Variants in PPARGC1A observed in about 807,000 individuals in gnomAD.
The protein encoded by PPARGC1A is peroxisome proliferator-activated receptor gamma coactivator 1-alpha.
Under a neutral mutation model 88.7 loss-of-function variants are expected in PPARGC1A, and 25 were observed. That is an observed-to-expected ratio of 0.28 (90% CI 0.21 to 0.39). The LOEUF (loss-of-function observed/expected upper bound fraction) is 0.39, where lower values mean the gene tolerates loss of function less well. Among genes scored for constraint, PPARGC1A ranks in the 10% least tolerant of loss-of-function variants. The pLI is 1.00. For synonymous variants in PPARGC1A, 363 were observed against 355.6 expected, an observed-to-expected ratio of 1.02 and a Z score of -0.24; for missense variants, 880 against 968.7, an observed-to-expected ratio of 0.91 and a Z score of 1.22.
At chr4:23,904,650 C>A (rs1173349893), upstream of PPARGC1A, among the ~76,000 whole-genome samples, 1 of 152,106 alleles carries the variant, frequency 6.6e-6, no homozygotes, top group Non-Finnish European at 1.5e-5. Context: ...ATTAATATAA[C>A]CCAACAGAAT....
At chr4:23,932,599 GT>G in the PPARGC1A span, among the ~76,000 whole-genome samples, 2 of 151,650 alleles carry the variant, frequency 1.3e-5, no homozygotes, top group Non-Finnish European at 1.5e-5. Flanking sequence ...ACGAAGTAGT[GT>G]TTTTTTAAAA....
the PPARGC1A span, among the ~76,000 whole-genome samples, chr4:24,427,131 C>A: frequency 6.6e-6 from 1 of 152,032 alleles, no homozygotes; most frequent in African/African-American, 2.4e-5. Context: ...GCTTAGGTTC[C>A]CATAGTAAGG....
At chr4:24,111,656 G>A in the PPARGC1A span, among the ~76,000 whole-genome samples, 4 of 152,208 alleles carry the variant, frequency 2.6e-5, no homozygotes, top group South Asian at 2.1e-4. Flanking sequence ...AGTAACAGCC[G>A]CAATAACTCA....
chr4:24,325,863 G>A, the PPARGC1A span, among the ~76,000 whole-genome samples: 2 of 152,092 alleles, frequency 1.3e-5, no homozygotes, highest in African/African-American at 4.8e-5. Context: ...TGACAGCCAG[G>A]CTTCTAAACC....
At chr4:24,157,694 C>T in the PPARGC1A span, among the ~76,000 whole-genome samples, 3 of 152,156 alleles carry the variant, frequency 2.0e-5, no homozygotes, top group South Asian at 4.2e-4. Flanking sequence ...CTTCACCCTC[C>T]CAAATCCATA....
chr4:24,430,345 G>A, the PPARGC1A span, among the ~76,000 whole-genome samples: 27 of 137,842 alleles, frequency 2.0e-4, no homozygotes, highest in Admixed American at 2.5e-4. Flanking sequence ...TGCAACCTCC[G>A]CTCCTGGGTT....
At chr4:23,979,837 T>G in the PPARGC1A span, among the ~76,000 whole-genome samples, 2 of 152,164 alleles carry the variant, frequency 1.3e-5, no homozygotes, top group African/African-American at 4.8e-5. Flanking sequence ...TCTTTAGTGC[T>G]ATTGCTGAGG....
the PPARGC1A span, among the ~76,000 whole-genome samples, chr4:24,226,723 G>A: frequency 1.3e-5 from 2 of 152,174 alleles, no homozygotes; most frequent in Admixed American, 6.5e-5. Context: ...ACCTGCCAGC[G>A]CTGGGCTGTC....
chr4:24,105,099 C>G, the PPARGC1A span, among the ~76,000 whole-genome samples: 29 of 152,330 alleles, frequency 1.9e-4, no homozygotes, highest in Admixed American at 5.2e-4. Flanking sequence ...GAACATGTTT[C>G]TAATATGCCT....
At chr4:23,844,440 A>G (rs1727661922) in intron 2 of PPARGC1A, among the ~76,000 whole-genome samples, 1 of 126,806 alleles carries the variant, frequency 7.9e-6, no homozygotes, top group African/African-American at 3.0e-5. Flanking sequence ...TATATTATAT[A>G]TAATATAGAA....
At chr4:24,460,245 G>A in the PPARGC1A span, among the ~76,000 whole-genome samples, 2 of 152,158 alleles carry the variant, frequency 1.3e-5, no homozygotes, top group East Asian at 3.8e-4. Flanking sequence ...TGAATCTAAT[G>A]TATATTTATT....
the PPARGC1A span, among the ~76,000 whole-genome samples, chr4:24,049,771 G>C: frequency 1.3e-5 from 2 of 152,000 alleles, no homozygotes; most frequent in African/African-American, 2.4e-5. Flanking sequence ...CCCAAATTCA[G>C]AACAGCCCAC....
At chr4:23,805,689 A>T (rs1341692887) in intron 10 of PPARGC1A, among the ~76,000 whole-genome samples, 1 of 152,186 alleles carries the variant, frequency 6.6e-6, no homozygotes, top group African/African-American at 2.4e-5. Context: ...TGGGACTGCT[A>T]TCTAAACTTA....
chr4:24,339,237 T>TACACACACAC, the PPARGC1A span, among the ~76,000 whole-genome samples: 24 of 104,308 alleles, frequency 2.3e-4, no homozygotes, highest in African/African-American at 8.0e-4. Flanking sequence ...TATATATATA[T>TACACACACAC]ACACACACAC....
At chr4:24,251,546 C>G in the PPARGC1A span, among the ~76,000 whole-genome samples, 1 of 152,172 alleles carries the variant, frequency 6.6e-6, no homozygotes, top group Non-Finnish European at 1.5e-5. Context: ...GAAAGCCTGC[C>G]TATCTGAAGG....
At chr4:24,118,323 T>C in the PPARGC1A span, among the ~76,000 whole-genome samples, 1 of 152,098 alleles carries the variant, frequency 6.6e-6, no homozygotes, top group Non-Finnish European at 1.5e-5. Flanking sequence ...CCCACCCTTC[T>C]ACAGTTTGAA....
chr4:24,191,503 C>G, the PPARGC1A span, among the ~76,000 whole-genome samples: 1 of 152,108 alleles, frequency 6.6e-6, no homozygotes, highest in Non-Finnish European at 1.5e-5. Flanking sequence ...TTCTGGACTC[C>G]ATTTGTTGTG....
the PPARGC1A span, among the ~76,000 whole-genome samples, chr4:24,106,572 T>G: frequency 1.3e-5 from 2 of 152,190 alleles, no homozygotes; most frequent in Non-Finnish European, 2.9e-5. Flanking sequence ...TATGGCAGAC[T>G]GATTACAAAG....
At chr4:23,916,568 T>A in the PPARGC1A span, among the ~76,000 whole-genome samples, 12 of 152,078 alleles carry the variant, frequency 7.9e-5, no homozygotes, top group East Asian at 1.9e-4. Context: ...CCTGCTTTTT[T>A]AAAAAAAACA....
Sources: allele counts gnomAD v4.1 joint callset (sites outside exome capture counted in the v4.1 genomes callset), GRCh38; gene constraint gnomAD v4.1.1; transcripts MANE v1.5; gene names NCBI Gene and HGNC (gene_info 2026-07-23, HGNC 2026-07-21).